Variants in WDFY4 observed in about 807,000 individuals in gnomAD.
The protein encoded by WDFY4 is WDFY family member 4.
In WDFY4, 169 loss-of-function variants were observed where a neutral mutation model predicts 351.9. That is an observed-to-expected ratio of 0.48 (90% CI 0.42 to 0.55). The LOEUF is 0.55. Among genes scored for constraint, WDFY4 ranks in the 20% least tolerant of loss-of-function variants. WDFY4 has a pLI of 0.00. For missense variants in WDFY4, 3,803 were observed against 3,935.6 expected, an observed-to-expected ratio of 0.97 and a Z score of 0.90; for synonymous variants, 1,622 against 1,574.6, an observed-to-expected ratio of 1.03 and a Z score of -0.71.
At chr10:48,707,237 A>G (rs565705491) in intron 1 of WDFY4, among the ~76,000 whole-genome samples, 1 of 152,316 alleles carries the variant, frequency 6.6e-6, no homozygotes, top group African/African-American at 2.4e-5. Context: ...CTTTCCTTCA[A>G]TCAGATTGCA....
At chr10:48,777,113 G>A (rs1476409103) in intron 16 of WDFY4, 129 bp downstream of exon 16, 17 of 1,208,548 alleles carry the variant, frequency 1.4e-5, no homozygotes, top group African/African-American at 4.6e-5. Context: ...AAATGTCTGG[G>A]TCATGGACAC....
intron 47 of WDFY4, among the ~76,000 whole-genome samples, chr10:48,934,542 A>G (rs1840234567): frequency 1.3e-5 from 2 of 152,218 alleles, no homozygotes; most frequent in South Asian, 2.1e-4. Flanking sequence ...TGTGTGTCCC[A>G]TGAAGAATCC....
At chr10:48,979,567 A>ATGG (rs1163513979) in intron 60 of WDFY4, 5 of 143,258 alleles carry the variant, frequency 3.5e-5, no homozygotes, top group African/African-American at 1.3e-4. Flanking sequence ...GGATGGATGG[A>ATGG]AGGATGGATG....
intron 1 of WDFY4, among the ~76,000 whole-genome samples, chr10:48,703,949 C>T (rs2063551866): frequency 6.6e-6 from 1 of 152,076 alleles, no homozygotes; most frequent in Admixed American, 6.5e-5. Context: ...TGCATGGCCA[C>T]TCCCAGCACT....
intron 47 of WDFY4, chr10:48,910,358 A>C: frequency 2.9e-6 from 3 of 1,033,308 alleles, no homozygotes; most frequent in Non-Finnish European, 4.6e-6. Context: ...GTCATGCCTG[A>C]CCTTCAGGAT....
rs769795568 is a variant in WDFY4 at position 48,805,294 on chromosome 10, G to C, written c.4519G>C (p.Ala1507Pro). The C allele has an allele frequency of 1.3e-6, 2 of 1,546,418 alleles. No individual in the cohort carries two copies. The highest frequency in any genetic ancestry group is 1.7e-6 in the Non-Finnish European group (2 of 1,146,932). Residue 1507 changes from alanine to proline, a missense_variant, in exon 26 of 62, where the codon GCA (alanine) becomes CCA (proline). Coordinates refer to ENST00000325239, the MANE Select transcript of WDFY4 (RefSeq NM_001394531.1). ...GPRNAEAAHQ[A>P]QLIPKLIFLF... Reference sequence around the variant, plus strand: ...CAGGAATGCTGAAGCTGCCCACCAGGCACAGCTTATACCCAAGCTCATCTT... The same window carrying C: ...CAGGAATGCTGAAGCTGCCCACCAGCCACAGCTTATACCCAAGCTCATCTT...
At chr10:48,693,322 A>G (rs558327236) in intron 1 of WDFY4, among the ~76,000 whole-genome samples, 1 of 152,200 alleles carries the variant, frequency 6.6e-6, no homozygotes, top group East Asian at 1.9e-4. Context: ...CAGCCAGGGG[A>G]CAGATGAGCA....
rs146871557 is a variant in WDFY4 at position 48,833,485 on chromosome 10, C to A, written c.6663+776C>A. Reference sequence around the variant, plus strand: ...GCAGAAACTGCATTACCTTTTATGACCTAGCTTCAGGAGCCATGCAGTGTC... The same window carrying A: ...GCAGAAACTGCATTACCTTTTATGAACTAGCTTCAGGAGCCATGCAGTGTC... On this transcript the variant is annotated intron_variant, in intron 39 of 61. Transcript: ENST00000325239. 6.4e-3 allele frequency among the ~76,000 whole-genome samples: 976 copies of A among 152,188 alleles called. 3 individuals carry two copies. The highest frequency in any genetic ancestry group is 0.01 in the Middle Eastern group (3 of 294).
chr10:48,868,308 C>G (rs2069627265), intron 40 of WDFY4, among the ~76,000 whole-genome samples: 1 of 152,220 alleles, frequency 6.6e-6, no homozygotes, highest in Non-Finnish European at 1.5e-5. Flanking sequence ...GCTTACCAGA[C>G]AGGACACTTG....
At chr10:48,933,368 T>C (rs886443118) in intron 47 of WDFY4, among the ~76,000 whole-genome samples, 2 of 152,230 alleles carry the variant, frequency 1.3e-5, no homozygotes, top group Admixed American at 6.5e-5. Context: ...GGCGCATGCC[T>C]CGACTGGAGC....
intron 12 of WDFY4, among the ~76,000 whole-genome samples, chr10:48,747,193 C>T (rs1465968227): frequency 6.6e-6 from 1 of 152,150 alleles, no homozygotes; most frequent in Non-Finnish European, 1.5e-5. Context: ...GGAAGGTCTC[C>T]CCAGCTATTG....
At chr10:48,803,385 G>T (rs1044414172) in intron 25 of WDFY4, 26 bp downstream of exon 25, 1 of 1,549,842 alleles carries the variant, frequency 6.5e-7, no homozygotes, top group African/African-American at 1.4e-5. Context: ...GCAGCCTGGG[G>T]GTTAGAACTG....
intron 11 of WDFY4, chr10:48,736,311 C>G (rs1201467072): frequency 1.6e-6 from 1 of 610,364 alleles, no homozygotes; most frequent in East Asian, 2.7e-5. Context: ...CATTAAGGAA[C>G]TACCATCACC....
intron 39 of WDFY4, among the ~76,000 whole-genome samples, chr10:48,848,884 G>A (rs1409885517): frequency 2.6e-5 from 4 of 152,202 alleles, no homozygotes; most frequent in African/African-American, 4.8e-5. Context: ...TCACTGCTAC[G>A]ACTGTGGTCA....
chr10:48,724,075 A>T (rs982838660), intron 5 of WDFY4, among the ~76,000 whole-genome samples: 5 of 151,982 alleles, frequency 3.3e-5, no homozygotes, highest in Non-Finnish European at 7.4e-5. Flanking sequence ...TCTTTGACTG[A>T]CTAACTTCTC....
chr10:48,742,637 G>T (rs888480549), intron 11 of WDFY4, among the ~76,000 whole-genome samples: 2 of 152,190 alleles, frequency 1.3e-5, no homozygotes, highest in African/African-American at 4.8e-5. Flanking sequence ...CGAGAGTTTT[G>T]ATCAGGGAAT....
At chr10:48,828,081 T>C (rs2068065055) in intron 36 of WDFY4, among the ~76,000 whole-genome samples, 1 of 152,192 alleles carries the variant, frequency 6.6e-6, no homozygotes. Flanking sequence ...TTATTTTCCT[T>C]TCCATGTTTG....
intron 1 of WDFY4, among the ~76,000 whole-genome samples, chr10:48,700,294 C>A (rs560307088): frequency 6.6e-6 from 1 of 152,274 alleles, no homozygotes; most frequent in South Asian, 2.1e-4. Flanking sequence ...TTGCTTTGTA[C>A]GTTATGTAGA....
chr10:48,877,155 C>G lies in WDFY4; in HGVS notation c.7123C>G (p.Arg2375Gly), dbSNP rs368480181. The G allele has an allele frequency of 6.4e-7, 1 of 1,551,496 alleles. No individual in the cohort carries two copies. The highest frequency in any genetic ancestry group is 8.7e-7 in the Non-Finnish European group (1 of 1,146,880). ...LHSEDFLELC[R>G]ERQVILQELL... Reference sequence around the variant, plus strand: ...CTCAGAAGACTTCTTGGAACTGTGTCGGGAAAGACAAGTTATTTTACAAGA... The same window carrying G: ...CTCAGAAGACTTCTTGGAACTGTGTGGGGAAAGACAAGTTATTTTACAAGA... Residue 2375 changes from arginine (R) to glycine (G), a missense_variant, in exon 43 of 62, where the codon CGG (arginine) becomes GGG (glycine). Physicochemically the swap from Arg to Gly is moderately radical, Grantham distance 125. Around this residue, in one of 3 missense-constraint regions of WDFY4, gnomAD observed 3,054 missense variants for 3,148.6 expected, o/e 0.97. Coordinates refer to ENST00000325239, the MANE Select transcript of WDFY4 (RefSeq NM_001394531.1).
Sources: gnomAD v4.1 joint callset for allele counts (sites outside exome capture counted in the v4.1 genomes callset) on GRCh38, gnomAD v4.1.1 for gene constraint, gnomAD v4.1.1 regional missense constraint, MANE v1.5 for transcripts, NCBI Gene and HGNC (gene_info 2026-07-23, HGNC 2026-07-21) for gene names.